Variants in SPATA12 observed in about 807,000 individuals in gnomAD.
SPATA12 encodes spermatogenesis-associated protein 12.
For missense variants in SPATA12, 219 were observed against 226.4 expected (o/e 0.97, Z 0.21); for synonymous variants, 85 against 89.2 (o/e 0.95, Z 0.26).
At chr3:57,064,685 A>G (rs1705427311) in intron 1 of SPATA12, among the ~76,000 whole-genome samples, 1 of 152,226 alleles carries the variant, frequency 6.6e-6, no homozygotes. Context: ...TAAGCCAGTC[A>G]CAAAAGGACA....
At chr3:57,063,792 T>G (rs765638401) in intron 1 of SPATA12, among the ~76,000 whole-genome samples, 6 of 152,008 alleles carry the variant, frequency 3.9e-5, no homozygotes, top group Non-Finnish European at 7.4e-5. Flanking sequence ...TGGTAAGAGA[T>G]ATCTGGGGAG....
chr3:57,063,546 T>C (rs1233387176), intron 1 of SPATA12, among the ~76,000 whole-genome samples: 1 of 151,886 alleles, frequency 6.6e-6, no homozygotes, highest in Non-Finnish European at 1.5e-5. Flanking sequence ...AGAAGAGAGA[T>C]ACAAAAGTCA....
At chr3:57,063,377 T>C (rs1460705728) in intron 1 of SPATA12, among the ~76,000 whole-genome samples, 1 of 152,106 alleles carries the variant, frequency 6.6e-6, no homozygotes, top group African/African-American at 2.4e-5. Context: ...CTTCAGAAGG[T>C]TCCCTCTGAC....
At chr3:57,072,164 G>A (rs1705944351) in intron 1 of SPATA12, among the ~76,000 whole-genome samples, 1 of 152,196 alleles carries the variant, frequency 6.6e-6, no homozygotes, top group African/African-American at 2.4e-5. Flanking sequence ...CTCGTGCACT[G>A]CTGGTGGGAT....
intron 1 of SPATA12, among the ~76,000 whole-genome samples, chr3:57,062,451 C>T (rs774345358): frequency 3.3e-5 from 5 of 152,126 alleles, no homozygotes; most frequent in South Asian, 2.1e-4. Flanking sequence ...AGGAGCACGG[C>T]GGCGGGGGCG....
intron 1 of SPATA12, among the ~76,000 whole-genome samples, chr3:57,069,135 C>T (rs9865583): frequency 0.87 from 132,303 of 151,904 alleles, 57,673 homozygotes; most frequent in East Asian, 0.96. Flanking sequence ...CTTGGCCAGG[C>T]TGGTCTTGAA....
In SPATA12 at chr3:57,067,916, G is replaced by A. The variant is rs537756292; in HGVS notation, c.-329-5450G>A. Among the ~76,000 whole-genome samples, 11 of 152,072 alleles carry A rather than the reference G, an allele frequency of 7.2e-5. No individual in the cohort carries two copies. In the South Asian group the frequency reaches 2.3e-3, roughly 32 times the overall value. On this transcript the variant is annotated intron_variant, in intron 1 of 1. Coordinates refer to ENST00000334325, the MANE Select transcript of SPATA12 (RefSeq NM_181727.2). ...GAGGTAGGAGAATGGCGTGAACCTG[G>A]GAGGCAGAGCTTGCAGTGAGCCAAG...
At chr3:57,071,671 A>G (rs1235591798) in intron 1 of SPATA12, among the ~76,000 whole-genome samples, 1 of 152,052 alleles carries the variant, frequency 6.6e-6, no homozygotes, top group Non-Finnish European at 1.5e-5. Flanking sequence ...AAAAAAAAAA[A>G]AAAAATATGC....
At chr3:57,064,602 C>T (rs1705423113) in intron 1 of SPATA12, among the ~76,000 whole-genome samples, 2 of 152,194 alleles carry the variant, frequency 1.3e-5, no homozygotes, top group African/African-American at 4.8e-5. Flanking sequence ...GCCACCATAC[C>T]CAGCCCAAAG....
Position 57,060,781 on chromosome 3 carries a change from T to C in SPATA12, c.-335T>C, listed in dbSNP as rs1219018480. 1.3e-5 allele frequency: 2 copies of C among 151,926 alleles called. No individual in the cohort carries two copies. The highest frequency in any genetic ancestry group is 2.9e-5 in the Non-Finnish European group (2 of 68,002). 9.4% of individuals were successfully genotyped at this position (151,926 alleles called of 1,614,324 possible). A position where few individuals can be genotyped will look rare whatever the true frequency, so the allele number is the denominator to read the frequency against. On this transcript the variant is annotated 5_prime_UTR_variant, in exon 1 of 2. Transcript: ENST00000334325. ...ATCAGACCTCAAAAGGAGCCTCTGG[T>C]GTCTTGTGAGTAGTTTACCTGCCGC...
At chr3:57,072,060 C>T (rs1705937340) in intron 1 of SPATA12, among the ~76,000 whole-genome samples, 1 of 152,132 alleles carries the variant, frequency 6.6e-6, no homozygotes, top group Non-Finnish European at 1.5e-5. Context: ...AAATCAAAGT[C>T]ACAATGAGAT....
At chr3:57,062,817 T>C (rs1466390374) in intron 1 of SPATA12, among the ~76,000 whole-genome samples, 1 of 152,210 alleles carries the variant, frequency 6.6e-6, no homozygotes, top group African/African-American at 2.4e-5. Flanking sequence ...ATCAAATGGC[T>C]TTTAATCTGT....
chr3:57,064,313 T>C (rs1257197599), intron 1 of SPATA12, among the ~76,000 whole-genome samples: 2 of 151,326 alleles, frequency 1.3e-5, no homozygotes, highest in Admixed American at 6.6e-5. Context: ...TCTTTCTTTT[T>C]TTTTTCTTTC....
chr3:57,073,549 G>T lies in SPATA12; in HGVS notation c.-146G>T. 7.4e-7 allele frequency: 1 copy of T among 1,349,988 alleles called. No individual in the cohort carries two copies. Among genetic ancestry groups the T allele is most frequent in the Non-Finnish European group, 9.8e-7 (1 of 1,020,772 alleles). 83.6% of individuals were successfully genotyped at this position (1,349,988 alleles called of 1,614,324 possible). ...TGGCTCTGTTTGAGCACCCCGGGAT[G>T]ATTGGTGGTGGGGTGTGGCTGAAGG... On this transcript the variant is annotated 5_prime_UTR_variant, in exon 2 of 2. An upstream start codon of the reference 5' UTR is lost. Transcript: ENST00000334325.
At chr3:57,072,697 C>G (rs1407866739) in intron 1 of SPATA12, among the ~76,000 whole-genome samples, 1 of 134,328 alleles carries the variant, frequency 7.4e-6, no homozygotes, top group Non-Finnish European at 1.6e-5. Flanking sequence ...AGCTGAGATA[C>G]CACCCTGGGC....
chr3:57,074,172 T>C lies in SPATA12; in HGVS notation c.478T>C (p.Cys160Arg), dbSNP rs779509957. ...DIDAEPSSTG[C>R]SRSNQLTFTE... ...AGATGCCGAGCCCAGTAGCACAGGG[T>C]GCAGCCGTTCAAACCAACTGACATT... The change falls in exon 2 of 2, where the codon TGC (cysteine) becomes CGC (arginine). Residue 160 changes from cysteine to arginine, a missense_variant. Coordinates refer to ENST00000334325, the MANE Select transcript of SPATA12 (RefSeq NM_181727.2). 1 of 1,614,144 alleles carries C rather than the reference T, an allele frequency of 6.2e-7. No homozygotes were observed. The highest frequency in any genetic ancestry group is 1.7e-5 in the Admixed American group (1 of 59,998).
In SPATA12 at chr3:57,074,335, C is replaced by A; in HGVS notation, c.*68C>A. ...GTCTGGGCCTTTGCACATGCTATGC[C>A]CTCCCTTCCATCCCCCACCCCCACC... is the stretch of plus-strand genomic sequence containing the variant. On this transcript the variant is annotated 3_prime_UTR_variant, in exon 2 of 2. Coordinates refer to ENST00000334325, the MANE Select transcript of SPATA12 (RefSeq NM_181727.2). 7.1e-7 allele frequency: 1 copy of A among 1,403,180 alleles called. No individual in the cohort carries two copies. Among genetic ancestry groups the A allele is most frequent in the Non-Finnish European group, 9.9e-7 (1 of 1,010,538 alleles). The allele number at this position is 1,403,180 out of a possible 1,614,324, so 86.9% of individuals were successfully genotyped here.
Position 57,074,386 on chromosome 3 carries a change from C to T in SPATA12, c.*119C>T. 1 of 817,978 alleles carries T rather than the reference C, an allele frequency of 1.2e-6. No individual in the cohort carries two copies. Among genetic ancestry groups the T allele is most frequent in the Non-Finnish European group, 2.0e-6 (1 of 501,784 alleles). 50.7% of individuals were successfully genotyped at this position (817,978 alleles called of 1,614,324 possible). ...AGGGGTGACTCGTAGCCATCCCTTT[C>T]TGCATCTTCTTAGATATCACTTTTT... On this transcript the variant is annotated 3_prime_UTR_variant, in exon 2 of 2. Coordinates refer to ENST00000334325, the MANE Select transcript of SPATA12 (RefSeq NM_181727.2).
chr3:57,071,020 A>G (rs778053517), intron 1 of SPATA12, among the ~76,000 whole-genome samples: 1 of 151,748 alleles, frequency 6.6e-6, no homozygotes, highest in African/African-American at 2.4e-5. Flanking sequence ...AAAGAAGGAC[A>G]AAGTTGGAGG....
Sources: gnomAD v4.1 joint callset for allele counts (sites outside exome capture counted in the v4.1 genomes callset) on GRCh38, gnomAD v4.1.1 for gene constraint, MANE v1.5 for transcripts, NCBI Gene and HGNC (gene_info 2026-07-23, HGNC 2026-07-21) for gene names.